PDE3B: variants seen among roughly 807,000 people sequenced by gnomAD.
PDE3B encodes phosphodiesterase 3B, also known as cGMP-inhibited 3',5'-cyclic phosphodiesterase 3B.
In PDE3B, 66 loss-of-function variants were observed where a neutral mutation model predicts 116.8. That is an observed-to-expected ratio of 0.56 (90% CI 0.46 to 0.69). PDE3B has a LOEUF of 0.69. PDE3B is among the 30% of genes least tolerant of loss of function. PDE3B has a pLI of 0.00. For missense variants in PDE3B, 1,384 were observed against 1,368.1 expected, an observed-to-expected ratio of 1.01 and a Z score of -0.18; for synonymous variants, 595 against 533.6, an observed-to-expected ratio of 1.12 and a Z score of -1.59.
chr11:14,644,549 C>A lies in PDE3B; in HGVS notation c.474C>A (p.Pro158=). The change falls in exon 1 of 16, where the codon CCC becomes CCA. Residue 158 remains proline, a synonymous_variant. Transcript: ENST00000282096. ...SCGSWWLLAL[P]ACCYLGDFLV... is the part of the protein sequence containing the mutation. ...GCTCCTGGTGGCTGCTGGCGCTGCCCGCCTGCTGTTACCTGGGGGACTTCT... is the reference window on the plus strand; with the variant it reads ...GCTCCTGGTGGCTGCTGGCGCTGCCAGCCTGCTGTTACCTGGGGGACTTCT... 1 of 1,600,822 alleles carries A rather than the reference C, an allele frequency of 6.2e-7. No homozygotes were observed. The highest frequency in any genetic ancestry group is 2.3e-5 in the East Asian group (1 of 44,116).
At chr11:14,808,640 T>A (rs1051616603) in intron 5 of PDE3B, among the ~76,000 whole-genome samples, 2 of 148,942 alleles carry the variant, frequency 1.3e-5, no homozygotes, top group Admixed American at 1.4e-4. Flanking sequence ...TGTAAAATCC[T>A]AAGAAATTCA....
the PDE3B span, among the ~76,000 whole-genome samples, chr11:14,894,063 GTC>G: frequency 6.6e-6 from 1 of 152,160 alleles, no homozygotes; most frequent in African/African-American, 2.4e-5. Context: ...AGTTAGTCAG[GTC>G]TTTGAGTTTT....
chr11:14,859,188 CAATCCTTGCT>C lies in PDE3B; in HGVS notation c.2668_2677del (p.Ile890ArgfsTer20). The C allele has an allele frequency of 6.2e-7, 1 of 1,613,594 alleles. No homozygotes were observed. Among genetic ancestry groups the C allele is most frequent in the Non-Finnish European group, 8.5e-7 (1 of 1,179,744 alleles). Reference sequence around the variant, plus strand: ...CGCTTTCGTTTTTTAGTCATTGAAGCAATCCTTGCTACGGATCTTAAAAAGCATTTTGATT... The same window carrying C: ...CGCTTTCGTTTTTTAGTCATTGAAGCACGGATCTTAAAAAGCATTTTGATT... On this transcript the variant is annotated frameshift_variant, in exon 13 of 16. Coordinates refer to ENST00000282096, the MANE Select transcript of PDE3B (RefSeq NM_000922.4). LOFTEE classifies it high-confidence loss of function.
chr11:14,787,137 A>C (rs1476503797), intron 3 of PDE3B, among the ~76,000 whole-genome samples: 1 of 151,944 alleles, frequency 6.6e-6, no homozygotes, highest in Non-Finnish European at 1.5e-5. Context: ...TCCCCCTTTT[A>C]CACCTACTGA....
the PDE3B span, among the ~76,000 whole-genome samples, chr11:14,892,431 G>C: frequency 6.6e-6 from 1 of 152,248 alleles, no homozygotes. Context: ...CTTTGGAGGT[G>C]GCGCGGCTCT....
At chr11:14,894,688 T>C in the PDE3B span, among the ~76,000 whole-genome samples, 357 of 152,186 alleles carry the variant, frequency 2.3e-3, 2 homozygotes, top group African/African-American at 8.3e-3. Flanking sequence ...CCTTGAGAGA[T>C]AATAGGTGGG....
intron 1 of PDE3B, among the ~76,000 whole-genome samples, chr11:14,743,008 G>A (rs1451482636): frequency 1.3e-5 from 2 of 152,154 alleles, no homozygotes; most frequent in South Asian, 4.1e-4. Flanking sequence ...GTCAACTCCT[G>A]CTGAGAGATT....
intron 2 of PDE3B, among the ~76,000 whole-genome samples, chr11:14,778,561 G>A (rs191065806): frequency 6.6e-6 from 1 of 152,330 alleles, no homozygotes; most frequent in East Asian, 1.9e-4. Context: ...AGAGTGTCTG[G>A]AGTGGACCTC....
chr11:14,722,360 G>T (rs1856142090), intron 1 of PDE3B, among the ~76,000 whole-genome samples: 2 of 151,570 alleles, frequency 1.3e-5, no homozygotes, highest in East Asian at 1.9e-4. Flanking sequence ...GTCGAGGGTA[G>T]CAAAAAATCC....
chr11:14,680,321 C>G (rs1854662847), intron 1 of PDE3B, among the ~76,000 whole-genome samples: 1 of 152,136 alleles, frequency 6.6e-6, no homozygotes. Context: ...TGTATCCAGG[C>G]TTTGATGCTG....
At chr11:14,666,606 A>G (rs1042019111) in intron 1 of PDE3B, among the ~76,000 whole-genome samples, 4 of 151,928 alleles carry the variant, frequency 2.6e-5, no homozygotes, top group African/African-American at 9.7e-5. Flanking sequence ...ACACAACCCC[A>G]TCAACAAGTG....
chr11:14,843,807 T>C lies in PDE3B; in HGVS notation c.2321-20T>C. The C allele has an allele frequency of 6.3e-7, 1 of 1,595,518 alleles. No homozygotes were observed. The highest frequency in any genetic ancestry group is 1.7e-4 in the Middle Eastern group (1 of 5,984). On this transcript the variant is annotated intron_variant, in intron 11 of 15. Coordinates refer to ENST00000282096, the MANE Select transcript of PDE3B (RefSeq NM_000922.4). ...TTTATGTGCTAATGCTGGTTTATTT[T>C]GCTATTTATTGTTTCTCAGATTCTG...
chr11:14,758,908 C>T (rs1397098677), intron 1 of PDE3B, among the ~76,000 whole-genome samples: 3 of 152,086 alleles, frequency 2.0e-5, no homozygotes, highest in Admixed American at 6.5e-5. Flanking sequence ...GTGGGTTTCT[C>T]ATAGATAGCT....
intron 7 of PDE3B, among the ~76,000 whole-genome samples, chr11:14,820,891 C>T (rs981176760): frequency 6.6e-6 from 1 of 152,306 alleles, no homozygotes; most frequent in Middle Eastern, 3.4e-3. Flanking sequence ...GCCACTCAGT[C>T]TGTAGTATCC....
intron 15 of PDE3B, among the ~76,000 whole-genome samples, chr11:14,868,694 C>T (rs1848090991): frequency 6.6e-6 from 1 of 152,242 alleles, no homozygotes; most frequent in Admixed American, 6.5e-5. Context: ...TCAGACCAGA[C>T]AGGAAAACTA....
intron 1 of PDE3B, among the ~76,000 whole-genome samples, chr11:14,666,891 C>G (rs1276125637): frequency 6.6e-6 from 1 of 152,130 alleles, no homozygotes; most frequent in East Asian, 1.9e-4. Flanking sequence ...CCTCAGGGAT[C>G]TAGAACTAGA....
intron 1 of PDE3B, among the ~76,000 whole-genome samples, chr11:14,742,919 A>C (rs2133867282): frequency 6.6e-6 from 1 of 152,174 alleles, no homozygotes; most frequent in South Asian, 2.1e-4. Context: ...AAGATTGCTG[A>C]CTGTTCCTTC....
At chr11:14,742,990 A>T (rs1444247709) in intron 1 of PDE3B, among the ~76,000 whole-genome samples, 1 of 152,088 alleles carries the variant, frequency 6.6e-6, no homozygotes, top group African/African-American at 2.4e-5. Flanking sequence ...CTCCTGTATG[A>T]GGTGTCTGTC....
intron 2 of PDE3B, chr11:14,774,392 C>T (rs1232307193): frequency 6.6e-6 from 1 of 151,996 alleles, no homozygotes; most frequent in Non-Finnish European, 1.5e-5. Flanking sequence ...AAATGTGGGC[C>T]AATATTATAT....
Sources: gnomAD v4.1 joint callset for allele counts (sites outside exome capture counted in the v4.1 genomes callset) on GRCh38, gnomAD v4.1.1 for gene constraint, MANE v1.5 for transcripts, NCBI Gene and HGNC (gene_info 2026-07-23, HGNC 2026-07-21) for gene names.